The following SPRYD3 variants were observed in gnomAD, a reference collection of about 807,000 sequenced individuals.
SPRYD3 encodes SPRY domain containing 3.
In SPRYD3, 17 loss-of-function variants were observed where a neutral mutation model predicts 50.1. The observed-to-expected ratio is 0.34, with a 90% CI of 0.23 to 0.51. SPRYD3 has a LOEUF of 0.51. Among genes scored for constraint, SPRYD3 ranks in the 20% least tolerant of loss-of-function variants. SPRYD3 has a pLI of 0.97. For synonymous variants in SPRYD3, 198 were observed against 215.5 expected (o/e 0.92, Z 0.71); for missense variants, 401 against 591.2 (o/e 0.68, Z 3.34).
chr12:53,072,626 A>G (rs1403900453), intron 6 of SPRYD3, among the ~76,000 whole-genome samples: 1 of 152,220 alleles, frequency 6.6e-6, no homozygotes, highest in Non-Finnish European at 1.5e-5. Flanking sequence ...TGAATTTTCC[A>G]ACAAAACTTA....
intron 6 of SPRYD3, among the ~76,000 whole-genome samples, chr12:53,071,723 TAAAAAAAAAAAAA>T (rs60600870): frequency 9.6e-6 from 1 of 104,510 alleles, no homozygotes; most frequent in Non-Finnish European, 1.9e-5. Context: ...TAGCCTGTCT[TAAAAAAAAAAAAA>T]AAAAAAAAAG....
rs202192699 is a variant in SPRYD3 at position 53,075,230 on chromosome 12, G to A, written c.247-11C>T. 4.4e-5 allele frequency: 70 copies of A among 1,595,214 alleles called. No homozygotes were observed. In the African/African-American group the frequency reaches 8.2e-4, roughly 19 times the overall value. On this transcript the variant is annotated splice_polypyrimidine_tract_variant and intron_variant, in intron 3 of 10. Coordinates refer to ENST00000301463, the MANE Select transcript of SPRYD3 (RefSeq NM_032840.3). The stretch of plus-strand genomic sequence containing the variant: ...GTCCACAATAGACACCTGGAGAGAA[G>A]AAAGCAGGGCACAGTCAGCAGGGCT...
Position 53,066,379 on chromosome 12 carries a change from C to T in SPRYD3, c.1129G>A (p.Glu377Lys). The T allele has an allele frequency of 6.2e-7, 1 of 1,614,176 alleles. No individual in the cohort carries two copies. The highest frequency in any genetic ancestry group is 8.5e-7 in the Non-Finnish European group (1 of 1,179,980). ...CCATCCTCTTCCTCTTCCTCTTCCT[C>T]CTCTTCCTCTTCCCCTTCCTGGTGC... ...YLHQEGEEEE[E>K]EEEEEEDGEE... Residue 377 changes from glutamate (E) to lysine (K), a missense_variant, in exon 10 of 11, where the codon GAG becomes AAG. Physicochemically the swap from Glu to Lys is moderately conservative, Grantham distance 56. Transcript: ENST00000301463.
chr12:53,076,971 G>T (rs2121210010), intron 2 of SPRYD3, 144 bp downstream of exon 2: 1 of 702,948 alleles, frequency 1.4e-6, no homozygotes, highest in Non-Finnish European at 2.3e-6. Context: ...GAAAAAGAAA[G>T]GCCTCTGGAG....
intron 8 of SPRYD3, 138 bp from the exon 9 acceptor site, chr12:53,066,830 A>G: frequency 8.6e-7 from 1 of 1,163,890 alleles, no homozygotes; most frequent in African/African-American, 1.5e-5. Context: ...ATGGAGAGAG[A>G]GGCCGGGCGC....
intron 1 of SPRYD3, among the ~76,000 whole-genome samples, chr12:53,078,728 T>C (rs1295248765): frequency 6.6e-6 from 1 of 152,210 alleles, no homozygotes; most frequent in East Asian, 1.9e-4. Context: ...TGATTTTTCC[T>C]GGGAGCCAAA....
In SPRYD3 at chr12:53,073,302, ACAT is replaced by A; in HGVS notation, c.674_676del (p.Asp225del). The A allele has an allele frequency of 2.6e-6, 3 of 1,174,094 alleles. 1 individual carries two copies. Among genetic ancestry groups the A allele is most frequent in the Non-Finnish European group, 3.4e-6 (3 of 875,298 alleles). 72.7% of individuals were successfully genotyped at this position (1,174,094 alleles called of 1,614,324 possible). A position where few individuals can be genotyped will look rare whatever the true frequency, so the allele number is the denominator to read the frequency against. On this transcript the variant is annotated inframe_deletion, in exon 6 of 11. Coordinates refer to ENST00000301463, the MANE Select transcript of SPRYD3 (RefSeq NM_032840.3). ...GCTACTTACAGTCCCACAGACTCTG[ACAT>A]CATGTAGCCGGCCCCATTCATCCTC...
At chr12:53,079,015 C>A (rs530908022) in intron 1 of SPRYD3, among the ~76,000 whole-genome samples, 1 of 152,306 alleles carries the variant, frequency 6.6e-6, no homozygotes, top group African/African-American at 2.4e-5. Context: ...TTGCGCAGAC[C>A]CCACAGTCTT....
chr12:53,075,476 A>G (rs978345049), intron 3 of SPRYD3, among the ~76,000 whole-genome samples: 9 of 152,200 alleles, frequency 5.9e-5, no homozygotes, highest in African/African-American at 2.2e-4. Context: ...GTTAGGGGAC[A>G]TGAGTCAAGT....
In SPRYD3 at chr12:53,073,473, T is replaced by G; in HGVS notation, c.508-2A>C. On this transcript the variant is annotated splice_acceptor_variant, in intron 5 of 10. Transcript: ENST00000301463. LOFTEE classifies it high-confidence loss of function. ...CATGGGCATGATGGTAGAGCCCACC[T>G]GCAGTGGGGGGAAAGACGGAGCTGC... 1 of 1,528,650 alleles carries G rather than the reference T, an allele frequency of 6.5e-7. No individual in the cohort carries two copies. Among genetic ancestry groups the G allele is most frequent in the Non-Finnish European group, 8.9e-7 (1 of 1,127,776 alleles). The allele number at this position is 1,528,650 out of a possible 1,614,324, so 94.7% of individuals were successfully genotyped here.
At chr12:53,075,357 A>G (rs1944580972) in intron 3 of SPRYD3, 138 bp from the exon 4 acceptor site, 4 of 887,568 alleles carry the variant, frequency 4.5e-6, no homozygotes, top group Admixed American at 5.5e-5. Flanking sequence ...GAAAAAAGAT[A>G]AGATACTCAG....
At position 53,079,341 on chromosome 12, in the gene SPRYD3, C is replaced by T; in HGVS notation, c.-8G>A. 3 of 1,607,510 alleles carry T rather than the reference C, an allele frequency of 1.9e-6. No homozygotes were observed. The highest frequency in any genetic ancestry group is 1.7e-6 in the Non-Finnish European group (2 of 1,177,410). On this transcript the variant is annotated 5_prime_UTR_variant, in exon 1 of 11. Transcript: ENST00000301463. ...CCGCCGCGTCCTCCTCATCCATAGG[C>T]CTCTCAGCTCCGCACACAAGCTCTT...
chr12:53,077,522 G>T (rs1281591169), intron 1 of SPRYD3, among the ~76,000 whole-genome samples: 1 of 152,224 alleles, frequency 6.6e-6, no homozygotes, highest in Non-Finnish European at 1.5e-5. Flanking sequence ...GACACGACAG[G>T]CAATAAACAG....
In SPRYD3 at chr12:53,066,427, T is replaced by C. The variant is rs754630596; in HGVS notation, c.1081A>G (p.Asn361Asp). The change falls in exon 10 of 11, where the codon AAC (asparagine) becomes GAC (aspartate). Residue 361 changes from asparagine to aspartate, a missense_variant. Transcript: ENST00000301463. Reference protein sequence around the residue: ...ILSPTARAVRNVRNVMYLHQE... With the variant: ...ILSPTARAVRDVRNVMYLHQE... Reference sequence around the variant, plus strand: ...TGCAGGTACATGACATTCCGCACGTTCCGGACGGCCCGGGCAGTCGGAGAC... The same window carrying C: ...TGCAGGTACATGACATTCCGCACGTCCCGGACGGCCCGGGCAGTCGGAGAC... 6 of 1,614,038 alleles carry C rather than the reference T, an allele frequency of 3.7e-6. No homozygotes were observed. In the African/African-American group the frequency reaches 8.0e-5, roughly 22 times the overall value.
intron 10 of SPRYD3, 105 bp downstream of exon 10, chr12:53,066,209 G>C: frequency 6.5e-7 from 1 of 1,539,034 alleles, no homozygotes; most frequent in Non-Finnish European, 8.8e-7. Context: ...CAACGCCAGA[G>C]CTTCCCGTCT....
rs201067328 is a variant in SPRYD3 at position 53,066,329 on chromosome 12, C to T, written c.1179G>A (p.Glu393=). The stretch of plus-strand genomic sequence containing the variant: ...CCGTACTCACCACCACCTTCCTGCC[C>T]TCATGCTCCGGCTCTATCTCTTCCC... ...EDGEEIEPEH[E]GRKVVVFFTR... Residue 393 remains glutamate (E), a synonymous_variant, in exon 10 of 11, where the codon GAG becomes GAA. Transcript: ENST00000301463. 100 of 1,613,922 alleles carry T rather than the reference C, an allele frequency of 6.2e-5. No individual in the cohort carries two copies. The highest frequency in any genetic ancestry group is 6.9e-5 in the Non-Finnish European group (82 of 1,179,974).
At position 53,074,307 on chromosome 12, in the gene SPRYD3, C is replaced by T. The variant is rs181235834; in HGVS notation, c.507+342G>A. Among the ~76,000 whole-genome samples the T allele has an allele frequency of 1.8e-4, 28 of 152,348 alleles. No individual in the cohort carries two copies. Among genetic ancestry groups the T allele is most frequent in the African/African-American group, 6.5e-4 (27 of 41,588 alleles). ...GTCAAAACCCAAAGAGGACCTCCAG[C>T]TTACATGGCCAGGCCATAATCTTCC... On this transcript the variant is annotated intron_variant, in intron 5 of 10. Coordinates refer to ENST00000301463, the MANE Select transcript of SPRYD3 (RefSeq NM_032840.3). The surrounding 1 kb of genome is among the most constrained non-coding windows in gnomAD (Gnocchi z 4.6).
At chr12:53,070,344 G>T (rs773411591) in intron 6 of SPRYD3, among the ~76,000 whole-genome samples, 2 of 152,158 alleles carry the variant, frequency 1.3e-5, no homozygotes, top group Non-Finnish European at 2.9e-5. Flanking sequence ...GGGTGGAAGT[G>T]GGGGGAATAT....
At position 53,065,802 on chromosome 12, in the gene SPRYD3, G is replaced by C. The variant is rs573053305; in HGVS notation, c.*30C>G. 3.8e-6 allele frequency: 6 copies of C among 1,599,222 alleles called. No individual in the cohort carries two copies. In the South Asian group the frequency reaches 6.7e-5, roughly 18 times the overall value. ...TGCCTGGCCCAGCAGAGGGTGAGCA[G>C]GGAGAAGGAGCAGGTCTGGAGGGGA... On this transcript the variant is annotated 3_prime_UTR_variant, in exon 11 of 11. Transcript: ENST00000301463.
Sources: allele counts gnomAD v4.1 joint callset (sites outside exome capture counted in the v4.1 genomes callset), GRCh38; gene constraint gnomAD v4.1.1; non-coding constraint Gnocchi (gnomAD v3.1); transcripts MANE v1.5; gene names NCBI Gene and HGNC (gene_info 2026-07-23, HGNC 2026-07-21).